Variants in EIPR1 observed in about 807,000 individuals in gnomAD.
EIPR1 encodes EARP and GARP complex-interacting protein 1.
In EIPR1, 25 loss-of-function variants were observed where a neutral mutation model predicts 48.1. The observed-to-expected ratio is 0.52, with a 90% confidence interval of 0.38 to 0.73. The LOEUF (loss-of-function observed/expected upper bound fraction) is 0.73, where lower values mean the gene tolerates loss of function less well. Ranked by LOEUF, EIPR1 falls within the 30% of genes least tolerant of loss-of-function variation. The pLI is 0.00. For synonymous variants in EIPR1, 204 were observed against 201.9 expected (o/e 1.01, Z -0.09); for missense variants, 415 against 506.2 (o/e 0.82, Z 1.73).
chr2:3,196,797 C>A (rs1664822170), intron 6 of EIPR1, 84 bp downstream of exon 6: 14 of 1,531,316 alleles, frequency 9.1e-6, no homozygotes, highest in Non-Finnish European at 1.1e-5. Context: ...AGGCATGTGG[C>A]TCACCATCAG....
At chr2:3,351,128 G>A (rs1459666687) in intron 2 of EIPR1, among the ~76,000 whole-genome samples, 3 of 151,786 alleles carry the variant, frequency 2.0e-5, no homozygotes, top group South Asian at 4.1e-4. Flanking sequence ...AGCCTTCCAA[G>A]TAGCTGGGAT....
chr2:3,313,942 G>A (rs547056569), intron 3 of EIPR1, among the ~76,000 whole-genome samples: 1 of 152,256 alleles, frequency 6.6e-6, no homozygotes, highest in African/African-American at 2.4e-5. Context: ...CAGCAGCCGG[G>A]GCTGTCCCCG....
intron 3 of EIPR1, among the ~76,000 whole-genome samples, chr2:3,303,638 C>G (rs913325328): frequency 1.1e-4 from 17 of 152,198 alleles, no homozygotes; most frequent in Non-Finnish European, 2.2e-4. Flanking sequence ...GGAAATTTCC[C>G]CAAGCACAGG....
At chr2:3,197,956 A>G (rs760887417) in intron 5 of EIPR1, among the ~76,000 whole-genome samples, 11 of 152,336 alleles carry the variant, frequency 7.2e-5, no homozygotes, top group South Asian at 6.2e-4. Context: ...GAGAGGCCCA[A>G]TGACCGAGCT....
At chr2:3,215,265 T>C (rs1027121436) in intron 4 of EIPR1, among the ~76,000 whole-genome samples, 1 of 152,110 alleles carries the variant, frequency 6.6e-6, no homozygotes, top group Non-Finnish European at 1.5e-5. Context: ...AGAAGATGAT[T>C]TGCACAGGAT....
chr2:3,373,197 C>G (rs907131984), intron 1 of EIPR1, among the ~76,000 whole-genome samples: 1 of 151,782 alleles, frequency 6.6e-6, no homozygotes, highest in African/African-American at 2.4e-5. Context: ...ATGCTAAAAA[C>G]TCTCAATAAA....
At chr2:3,373,567 A>T (rs1659767109) in intron 1 of EIPR1, among the ~76,000 whole-genome samples, 1 of 151,906 alleles carries the variant, frequency 6.6e-6, no homozygotes, top group African/African-American at 2.4e-5. Flanking sequence ...AATCACAAGC[A>T]TTCTTATACA....
At chr2:3,196,783 C>A (rs970622662) in intron 6 of EIPR1, 98 bp downstream of exon 6, 10 of 1,487,006 alleles carry the variant, frequency 6.7e-6, no homozygotes, top group South Asian at 5.3e-5. Flanking sequence ...CCATGCGCCC[C>A]CAAAGGCATG....
At chr2:3,263,691 G>A (rs1007320426) in intron 3 of EIPR1, among the ~76,000 whole-genome samples, 1 of 152,032 alleles carries the variant, frequency 6.6e-6, no homozygotes, top group Non-Finnish European at 1.5e-5. Context: ...CCAGGACGCG[G>A]CACGGTGCGG....
At chr2:3,193,916 T>C (rs556464554) in intron 7 of EIPR1, 83 bp downstream of exon 7, 9 of 1,504,898 alleles carry the variant, frequency 6.0e-6, no homozygotes, top group African/African-American at 5.5e-5. Context: ...CTAAGCTGGT[T>C]TGTGTCTTTC....
At chr2:3,215,497 T>G (rs75721399) in intron 4 of EIPR1, among the ~76,000 whole-genome samples, 1 of 152,240 alleles carries the variant, frequency 6.6e-6, no homozygotes, top group East Asian at 1.9e-4. Flanking sequence ...GCTATTCAGT[T>G]ACTCAACAAA....
intron 3 of EIPR1, among the ~76,000 whole-genome samples, chr2:3,306,248 C>G (rs1363183612): frequency 6.6e-6 from 1 of 152,212 alleles, no homozygotes; most frequent in African/African-American, 2.4e-5. Context: ...TTCCCACATT[C>G]TGGGTTTCTA....
chr2:3,334,650 C>G (rs1401465713), intron 3 of EIPR1, among the ~76,000 whole-genome samples: 3 of 152,272 alleles, frequency 2.0e-5, no homozygotes, highest in African/African-American at 7.2e-5. Flanking sequence ...CTGTGCTGCT[C>G]TTTCCTGATC....
chr2:3,365,161 G>T (rs952624663), intron 1 of EIPR1, among the ~76,000 whole-genome samples: 7 of 151,680 alleles, frequency 4.6e-5, no homozygotes, highest in Non-Finnish European at 8.8e-5. Flanking sequence ...AAAGAAGCTG[G>T]GTGTGGTGGC....
At chr2:3,241,257 C>A (rs764707412) in intron 4 of EIPR1, among the ~76,000 whole-genome samples, 1 of 152,208 alleles carries the variant, frequency 6.6e-6, no homozygotes, top group Non-Finnish European at 1.5e-5. Flanking sequence ...AGCTGAGATG[C>A]AGATGCCACG....
At chr2:3,216,066 T>G in intron 4 of EIPR1, among the ~76,000 whole-genome samples, 1 of 152,196 alleles carries the variant, frequency 6.6e-6, no homozygotes, top group Non-Finnish European at 1.5e-5. Flanking sequence ...GATACTTGTT[T>G]GGAGCAAAAT....
At chr2:3,317,773 G>T (rs956115107) in intron 3 of EIPR1, among the ~76,000 whole-genome samples, 2 of 152,204 alleles carry the variant, frequency 1.3e-5, no homozygotes, top group Non-Finnish European at 2.9e-5. Context: ...AAGAGAAAGA[G>T]ACGTGGGGTT....
chr2:3,206,649 C>CT (rs1283433030), intron 5 of EIPR1, among the ~76,000 whole-genome samples: 1 of 152,226 alleles, frequency 6.6e-6, no homozygotes, highest in Non-Finnish European at 1.5e-5. Flanking sequence ...AATCTAAGCT[C>CT]TGTTTCTGGA....
intron 3 of EIPR1, among the ~76,000 whole-genome samples, chr2:3,280,212 T>C (rs1667973238): frequency 6.6e-6 from 1 of 152,344 alleles, no homozygotes; most frequent in South Asian, 2.1e-4. Context: ...GCTTAGCCCC[T>C]TTAAACCTGA....
Sources: gnomAD v4.1 joint callset for allele counts (sites outside exome capture counted in the v4.1 genomes callset) on GRCh38, gnomAD v4.1.1 for gene constraint, MANE v1.5 for transcripts, NCBI Gene and HGNC (gene_info 2026-07-23, HGNC 2026-07-21) for gene names.